VAV3: variants seen among roughly 807,000 people sequenced by gnomAD.
VAV3 encodes the protein guanine nucleotide exchange factor VAV3.
Under a neutral mutation model 131.2 loss-of-function variants are expected in VAV3, and 94 were observed. That is an observed-to-expected ratio of 0.72 (90% CI 0.61 to 0.85). The LOEUF (loss-of-function observed/expected upper bound fraction) is 0.85, where lower values mean the gene tolerates loss of function less well. VAV3 is among the 40% of genes least tolerant of loss of function. VAV3 has a pLI of 0.00. For synonymous variants in VAV3, 349 were observed against 342.0 expected (o/e 1.02, Z -0.22); for missense variants, 939 against 1,002.7 (o/e 0.94, Z 0.86).
intron 2 of VAV3, among the ~76,000 whole-genome samples, chr1:107,823,941 T>C (rs1019659406): frequency 3.3e-5 from 5 of 152,210 alleles, no homozygotes; most frequent in African/African-American, 7.2e-5. Context: ...CATGGACTTC[T>C]AGCCTCCAGA....
intron 19 of VAV3, among the ~76,000 whole-genome samples, chr1:107,668,296 C>T (rs1657549215): frequency 6.6e-6 from 1 of 152,132 alleles, no homozygotes; most frequent in African/African-American, 2.4e-5. Context: ...TAAAAACATA[C>T]AATGCTTCTT....
At chr1:107,790,428 C>T (rs142276919) in intron 2 of VAV3, among the ~76,000 whole-genome samples, 202 of 152,264 alleles carry the variant, frequency 1.3e-3, no homozygotes, top group African/African-American at 4.6e-3. Context: ...ATCAGACAAG[C>T]AAATAGTCAC....
chr1:107,720,875 A>C (rs1359008196), intron 15 of VAV3, among the ~76,000 whole-genome samples: 1 of 152,242 alleles, frequency 6.6e-6, no homozygotes, highest in Non-Finnish European at 1.5e-5. Flanking sequence ...TGCCTTTCTC[A>C]GTGGAGACCA....
intron 1 of VAV3, among the ~76,000 whole-genome samples, chr1:107,900,993 C>T (rs2101088078): frequency 6.6e-6 from 1 of 152,236 alleles, no homozygotes; most frequent in East Asian, 1.9e-4. Context: ...AACTGTGTCA[C>T]CCACTTCCAC....
chr1:107,804,684 T>G (rs574940630), intron 2 of VAV3, among the ~76,000 whole-genome samples: 1 of 152,230 alleles, frequency 6.6e-6, no homozygotes, highest in Non-Finnish European at 1.5e-5. Context: ...TACATCATAA[T>G]TGCAGTATTA....
At chr1:107,923,018 T>C (rs1041374415) in intron 1 of VAV3, among the ~76,000 whole-genome samples, 4 of 151,706 alleles carry the variant, frequency 2.6e-5, no homozygotes, top group Admixed American at 6.6e-5. Flanking sequence ...TATACATCTA[T>C]GAAACCACCA....
chr1:107,940,734 C>T (rs1242133275), intron 1 of VAV3, among the ~76,000 whole-genome samples: 1 of 151,946 alleles, frequency 6.6e-6, no homozygotes, highest in Non-Finnish European at 1.5e-5. Context: ...TCACAAAGGG[C>T]CAAAAACTGT....
rs569705223 is a variant in VAV3, at chr1:107,709,098, A to G, written c.1503-4037T>C. 9.9e-5 allele frequency among the ~76,000 whole-genome samples: 15 copies of G among 152,268 alleles called. No individual in the cohort carries two copies. In the South Asian group the frequency reaches 2.3e-3, roughly 23 times the overall value. ...CTGAAATTCAGATACGTCAGCCTCC[A>G]TAACACTTTATGTAACATCTGATGC... On this transcript the variant is annotated intron_variant, in intron 15 of 26. Coordinates refer to ENST00000370056, the MANE Select transcript of VAV3 (RefSeq NM_006113.5).
At chr1:107,733,070 T>C (rs1199750260) in intron 15 of VAV3, among the ~76,000 whole-genome samples, 1 of 152,194 alleles carries the variant, frequency 6.6e-6, no homozygotes, top group African/African-American at 2.4e-5. Flanking sequence ...TTCTGCAGCC[T>C]CTGCTGGTGA....
chr1:107,891,725 G>C lies in VAV3; in HGVS notation c.205-16708C>G, dbSNP rs189918271. Among the ~76,000 whole-genome samples, 827 of 151,656 alleles carry C rather than the reference G, an allele frequency of 5.5e-3. 12 individuals carry two copies. The highest frequency in any genetic ancestry group is 0.019 in the African/African-American group (790 of 41,322). On this transcript the variant is annotated intron_variant, in intron 1 of 26. Transcript: ENST00000370056. ...GTGGTGGTGTATGCCTGTAATCCCAGCTACTTGGGAGGTTGAGGCAGGAGA... is the reference window on the plus strand; with the variant it reads ...GTGGTGGTGTATGCCTGTAATCCCACCTACTTGGGAGGTTGAGGCAGGAGA...
intron 20 of VAV3, among the ~76,000 whole-genome samples, chr1:107,629,441 A>C (rs924305746): frequency 6.6e-6 from 1 of 152,212 alleles, no homozygotes; most frequent in Non-Finnish European, 1.5e-5. Flanking sequence ...ACTTAAAAGC[A>C]ACATGTTTAT....
At chr1:107,610,057 TA>T (rs898734243) in intron 21 of VAV3, 92 bp from the exon 22 acceptor site, 7 of 1,218,426 alleles carry the variant, frequency 5.7e-6, no homozygotes, top group Non-Finnish European at 8.5e-6. Context: ...CTCAGCTCTA[TA>T]AAACCCTAAG....
intron 15 of VAV3, among the ~76,000 whole-genome samples, chr1:107,737,781 G>A (rs1293666392): frequency 6.6e-6 from 1 of 152,216 alleles, no homozygotes; most frequent in Non-Finnish European, 1.5e-5. Flanking sequence ...TTCAACCATT[G>A]TGGAAGACAG....
At chr1:107,875,167 C>G (rs1017903730) in intron 1 of VAV3, 150 bp from the exon 2 acceptor site, 1 of 663,936 alleles carries the variant, frequency 1.5e-6, no homozygotes, top group East Asian at 2.7e-5. Context: ...CAGTACTGAC[C>G]GAGCCTGCAG....
intron 1 of VAV3, among the ~76,000 whole-genome samples, chr1:107,952,111 AC>A (rs1362237139): frequency 1.3e-5 from 2 of 152,216 alleles, no homozygotes; most frequent in Non-Finnish European, 2.9e-5. Flanking sequence ...AAAATGTGGT[AC>A]ATATACACTG....
intron 1 of VAV3, among the ~76,000 whole-genome samples, chr1:107,931,220 G>A (rs1481534460): frequency 6.6e-6 from 1 of 152,142 alleles, no homozygotes; most frequent in Non-Finnish European, 1.5e-5. Context: ...CACTTTGTTA[G>A]ATGTGATAAT....
At chr1:107,922,748 C>G (rs958036519) in intron 1 of VAV3, among the ~76,000 whole-genome samples, 3 of 150,752 alleles carry the variant, frequency 2.0e-5, no homozygotes, top group African/African-American at 7.3e-5. Flanking sequence ...GTCAGGAGAT[C>G]GAGACCATCC....
intron 2 of VAV3, among the ~76,000 whole-genome samples, chr1:107,813,887 T>G (rs1667437123): frequency 6.6e-6 from 1 of 152,078 alleles, no homozygotes; most frequent in Non-Finnish European, 1.5e-5. Flanking sequence ...GTTATTGCAC[T>G]TAACATAATG....
At chr1:107,933,457 T>C (rs527520837) in intron 1 of VAV3, among the ~76,000 whole-genome samples, 3 of 152,042 alleles carry the variant, frequency 2.0e-5, no homozygotes, top group African/African-American at 7.2e-5. Context: ...CACTTCAAGG[T>C]TAGCAATTAG....
Sources: gnomAD v4.1 joint callset for allele counts (sites outside exome capture counted in the v4.1 genomes callset) on GRCh38, gnomAD v4.1.1 for gene constraint, MANE v1.5 for transcripts, NCBI Gene and HGNC (gene_info 2026-07-23, HGNC 2026-07-21) for gene names.